LTBP1: variants seen among roughly 807,000 people sequenced by gnomAD.
The protein encoded by LTBP1 is latent-transforming growth factor beta-binding protein 1.
A neutral mutation model predicts 207.6 loss-of-function variants in LTBP1; 129 were observed. That is an observed-to-expected ratio of 0.62 (90% CI 0.54 to 0.72). The LOEUF (loss-of-function observed/expected upper bound fraction) is 0.72, where lower values mean the gene tolerates loss of function less well. Ranked by LOEUF, LTBP1 falls within the 30% of genes least tolerant of loss-of-function variation. The pLI is 0.00. For synonymous variants in LTBP1, 963 were observed against 833.7 expected (o/e 1.16, Z -2.67); for missense variants, 2,281 against 2,217.2 (o/e 1.03, Z -0.58).
chr2:33,059,319 A>C (rs1018859396), intron 3 of LTBP1, among the ~76,000 whole-genome samples: 1 of 152,256 alleles, frequency 6.6e-6, no homozygotes, highest in African/African-American at 2.4e-5. Context: ...TCAAGCGTAC[A>C]GTGCTTTGAA....
chr2:33,071,316 T>C (rs2077775087), intron 3 of LTBP1, among the ~76,000 whole-genome samples: 1 of 152,204 alleles, frequency 6.6e-6, no homozygotes, highest in Non-Finnish European at 1.5e-5. Context: ...TGAATGAGAA[T>C]GTGGACAAAG....
chr2:33,182,765 T>G (rs1456228194), intron 5 of LTBP1, among the ~76,000 whole-genome samples: 1 of 142,874 alleles, frequency 7.0e-6, no homozygotes, highest in Non-Finnish European at 1.5e-5. Context: ...TGTGTACACA[T>G]ACACACACAT....
At chr2:33,120,317 T>C (rs2081031346) in intron 4 of LTBP1, among the ~76,000 whole-genome samples, 1 of 152,202 alleles carries the variant, frequency 6.6e-6, no homozygotes, top group South Asian at 2.1e-4. Flanking sequence ...TAGTTATCTT[T>C]TCTGCCCTTC....
At chr2:33,026,490 C>T (rs181390811) in intron 3 of LTBP1, among the ~76,000 whole-genome samples, 7 of 152,296 alleles carry the variant, frequency 4.6e-5, no homozygotes, top group East Asian at 1.9e-4. Flanking sequence ...TATTGCAGGA[C>T]GTACCCTTCT....
At chr2:33,362,143 A>G (rs1288364335) in intron 28 of LTBP1, among the ~76,000 whole-genome samples, 1 of 152,152 alleles carries the variant, frequency 6.6e-6, no homozygotes, top group Non-Finnish European at 1.5e-5. Flanking sequence ...TTAACCACTC[A>G]CTTTTGACAT....
At chr2:33,122,865 C>G (rs219057) in intron 4 of LTBP1, among the ~76,000 whole-genome samples, 1 of 152,164 alleles carries the variant, frequency 6.6e-6, no homozygotes, top group Admixed American at 6.5e-5. Context: ...TTGCTGTACA[C>G]AACCGCAGTT....
intron 2 of LTBP1, among the ~76,000 whole-genome samples, chr2:32,987,999 G>T (rs779058159): frequency 6.6e-6 from 1 of 152,238 alleles, no homozygotes; most frequent in African/African-American, 2.4e-5. Context: ...ACCCACAGAG[G>T]TGGTAAAGGC....
chr2:33,341,602 T>C (rs1410659417), intron 24 of LTBP1, among the ~76,000 whole-genome samples: 1 of 150,426 alleles, frequency 6.6e-6, no homozygotes, highest in Non-Finnish European at 1.5e-5. Context: ...TCCCAGCTAC[T>C]CAGGAGGCTG....
chr2:33,057,064 C>T (rs1164359398), intron 3 of LTBP1, among the ~76,000 whole-genome samples: 1 of 152,052 alleles, frequency 6.6e-6, no homozygotes, highest in Non-Finnish European at 1.5e-5. Context: ...TATTTACAAA[C>T]CATGAGCTAG....
chr2:33,199,156 AC>A (rs2088914073), intron 7 of LTBP1, among the ~76,000 whole-genome samples: 1 of 151,798 alleles, frequency 6.6e-6, no homozygotes, highest in African/African-American at 2.4e-5. Context: ...TTCGTTATGT[AC>A]CCAGTAGTCA....
chr2:33,216,377 G>C (rs1177116733), intron 7 of LTBP1, among the ~76,000 whole-genome samples: 1 of 152,096 alleles, frequency 6.6e-6, no homozygotes, highest in Admixed American at 6.5e-5. Context: ...TGCTCCTTTT[G>C]GAAGGACGTG....
Position 33,275,107 on chromosome 2 carries a change from T to C in LTBP1, c.2869+17T>C, listed in dbSNP as rs1356913156. 1 of 1,613,066 alleles carries C rather than the reference T, an allele frequency of 6.2e-7. No homozygotes were observed. The highest frequency in any genetic ancestry group is 1.1e-5 in the South Asian group (1 of 91,030). ...ACTGCATAGGTAATGGCAGCATTCT[T>C]CCTGCTTACAAATTCTTAGATCTGA... On this transcript the variant is annotated intron_variant, in intron 17 of 33. Coordinates refer to ENST00000404816, the MANE Select transcript of LTBP1 (RefSeq NM_206943.4).
chr2:33,208,232 G>T (rs2090024076), intron 7 of LTBP1, among the ~76,000 whole-genome samples: 1 of 152,202 alleles, frequency 6.6e-6, no homozygotes, highest in Non-Finnish European at 1.5e-5. Context: ...TAATTTATGG[G>T]ACATACCTGT....
chr2:33,132,862 C>G (rs1025855804), intron 4 of LTBP1, among the ~76,000 whole-genome samples: 2 of 152,132 alleles, frequency 1.3e-5, no homozygotes, highest in Non-Finnish European at 2.9e-5. Flanking sequence ...GCATTTATCT[C>G]AAAGATAACT....
At chr2:33,145,817 T>G (rs2150876790) in intron 5 of LTBP1, among the ~76,000 whole-genome samples, 1 of 152,334 alleles carries the variant, frequency 6.6e-6, no homozygotes, top group African/African-American at 2.4e-5. Context: ...CTTTGTATTA[T>G]ACCATTTTCC....
intron 3 of LTBP1, among the ~76,000 whole-genome samples, chr2:33,083,307 A>G (rs954117764): frequency 5.3e-5 from 8 of 151,948 alleles, no homozygotes; most frequent in Non-Finnish European, 1.0e-4. Context: ...ATTGAGGAGG[A>G]AAGAAGGGGA....
chr2:33,011,794 GA>G (rs924470789), intron 2 of LTBP1, among the ~76,000 whole-genome samples: 12 of 151,880 alleles, frequency 7.9e-5, no homozygotes, highest in African/African-American at 2.9e-4. Context: ...ATATATTTAA[GA>G]ATATATTATA....
intron 2 of LTBP1, among the ~76,000 whole-genome samples, chr2:32,978,885 T>G (rs759147318): frequency 2.0e-4 from 30 of 151,884 alleles, no homozygotes; most frequent in Middle Eastern, 3.2e-3. Flanking sequence ...TTGATATCAT[T>G]ACTCAGTCTG....
intron 2 of LTBP1, among the ~76,000 whole-genome samples, chr2:32,991,655 T>C (rs545678461): frequency 3.7e-4 from 56 of 152,312 alleles, no homozygotes; most frequent in African/African-American, 1.3e-3. Flanking sequence ...TGACAGAACA[T>C]GCTAGCCATC....
Sources: allele counts gnomAD v4.1 joint callset (sites outside exome capture counted in the v4.1 genomes callset), GRCh38; gene constraint gnomAD v4.1.1; transcripts MANE v1.5; gene names NCBI Gene and HGNC (gene_info 2026-07-23, HGNC 2026-07-21).